The following LMOD3 variants were observed in gnomAD, a reference collection of about 807,000 sequenced individuals.
The protein encoded by LMOD3 is leiomodin-3.
LMOD3 carries 31 observed loss-of-function variants against 41.8 expected under a neutral mutation model. The observed-to-expected ratio is 0.74, with a 90% confidence interval of 0.56 to 1.00. The LOEUF is 1.00. Ranked by LOEUF, LMOD3 falls within the 50% of genes least tolerant of loss-of-function variation. The pLI, the probability that LMOD3 is intolerant of heterozygous loss-of-function variation, is 0.00. For missense variants in LMOD3, 755 were observed against 679.5 expected (o/e 1.11, Z -1.23); for synonymous variants, 292 against 241.9 (o/e 1.21, Z -1.92).
At position 69,119,325 on chromosome 3, in the gene LMOD3, G is replaced by A. The variant is rs778824655; in HGVS notation, c.1030C>T (p.Arg344Trp). 1 of 1,613,876 alleles carries A rather than the reference G, an allele frequency of 6.2e-7. No homozygotes were observed. Among genetic ancestry groups the A allele is most frequent in the Non-Finnish European group, 8.5e-7 (1 of 1,179,862 alleles). The change falls in exon 2 of 3, where the codon CGG becomes TGG. Residue 344 changes from arginine (R) to tryptophan (W), a missense_variant. Transcript: ENST00000420581. ...LQFNETLTEL[R>W]FHNQRHMLGH... ...AACATGTGCCTCTGATTGTGAAACCGAAGCTCAGTTAGCGTCTCATTAAAC... is the reference window on the plus strand; with the variant it reads ...AACATGTGCCTCTGATTGTGAAACCAAAGCTCAGTTAGCGTCTCATTAAAC...
chr3:69,115,356 AGT>A (rs1194326885), intron 2 of LMOD3, among the ~76,000 whole-genome samples: 1 of 151,880 alleles, frequency 6.6e-6, no homozygotes, highest in East Asian at 1.9e-4. Context: ...GTGTGTGGTG[AGT>A]GCGGTCCCAG....
At chr3:69,113,938 T>C (rs117479963) in intron 2 of LMOD3, among the ~76,000 whole-genome samples, 3 of 152,198 alleles carry the variant, frequency 2.0e-5, no homozygotes, top group Non-Finnish European at 4.4e-5. Context: ...TATTAACTCA[T>C]AGGGAAATGA....
chr3:69,116,468 T>G (rs1045088842), intron 2 of LMOD3, among the ~76,000 whole-genome samples: 3 of 152,244 alleles, frequency 2.0e-5, no homozygotes, highest in African/African-American at 7.2e-5. Context: ...GGCATGTTTT[T>G]CTTGAATTAT....
intron 2 of LMOD3, among the ~76,000 whole-genome samples, chr3:69,109,926 G>T (rs891799455): frequency 5.9e-5 from 9 of 152,102 alleles, no homozygotes; most frequent in Admixed American, 2.6e-4. Context: ...CATACAGCTA[G>T]GAAGTGGCAG....
At chr3:69,115,517 C>CAA (rs1052493140) in intron 2 of LMOD3, among the ~76,000 whole-genome samples, 2 of 147,218 alleles carry the variant, frequency 1.4e-5, no homozygotes, top group African/African-American at 5.0e-5. Flanking sequence ...CACACACACA[C>CAA]AAAACTTTTC....
At chr3:69,117,051 T>A (rs2092377795) in intron 2 of LMOD3, among the ~76,000 whole-genome samples, 1 of 152,238 alleles carries the variant, frequency 6.6e-6, no homozygotes, top group African/African-American at 2.4e-5. Context: ...AACTAGTTTC[T>A]CTCAAACAAT....
intron 2 of LMOD3, 55 bp from the exon 3 acceptor site, chr3:69,109,176 C>A (rs373635253): frequency 3.2e-6 from 5 of 1,548,360 alleles, no homozygotes; most frequent in Non-Finnish European, 4.4e-6. Flanking sequence ...AATTTAAGAG[C>A]TTTGCAGCAA....
Position 69,119,582 on chromosome 3 carries a change from A to G in LMOD3, c.773T>C (p.Leu258Pro). 1 of 1,613,816 alleles carries G rather than the reference A, an allele frequency of 6.2e-7. No individual in the cohort carries two copies. Among genetic ancestry groups the G allele is most frequent in the Non-Finnish European group, 8.5e-7 (1 of 1,179,890 alleles). Residue 258 changes from leucine to proline, a missense_variant, in exon 2 of 3, where the codon CTC becomes CCC. By Grantham distance (98) the Leu-to-Pro change is moderately conservative (BLOSUM62 -3). Transcript: ENST00000420581. ...VRKNDPDMKE[L>P]NLNNIENIPK... The stretch of plus-strand genomic sequence containing the variant: ...GATGTTTTCAATGTTGTTCAGGTTG[A>G]GTTCCTTCATGTCAGGATCATTTTT...
chr3:69,110,879 T>TA (rs2092347292), intron 2 of LMOD3, among the ~76,000 whole-genome samples: 1 of 138,094 alleles, frequency 7.2e-6, no homozygotes, highest in African/African-American at 2.8e-5. Context: ...TATATATATT[T>TA]AAAGCATCCC....
In LMOD3 at chr3:69,122,508, GA is replaced by G; in HGVS notation, c.-123del. ...GAGTGTCCCAAGTTAACACACCCTT[GA>G]GATATTTTTTTTTTTTTCCCAGGAA... On this transcript the variant is annotated 5_prime_UTR_variant, in exon 1 of 3. Coordinates refer to ENST00000420581, the MANE Select transcript of LMOD3 (RefSeq NM_198271.5). The G allele has an allele frequency of 4.0e-6, 3 of 747,562 alleles. No homozygotes were observed. Among genetic ancestry groups the G allele is most frequent in the Non-Finnish European group, 6.3e-6 (3 of 475,838 alleles). The allele number at this position is 747,562 out of a possible 1,614,324, so 46.3% of individuals were successfully genotyped here.
At chr3:69,116,814 C>T (rs1481431466) in intron 2 of LMOD3, among the ~76,000 whole-genome samples, 1 of 152,126 alleles carries the variant, frequency 6.6e-6, no homozygotes, top group Non-Finnish European at 1.5e-5. Flanking sequence ...GGAATTGACC[C>T]AGGAAAAATG....
chr3:69,114,851 A>G (rs1044250126), intron 2 of LMOD3, among the ~76,000 whole-genome samples: 1 of 151,862 alleles, frequency 6.6e-6, no homozygotes, highest in African/African-American at 2.4e-5. Flanking sequence ...TAATATTTCC[A>G]AATCTATAAG....
At chr3:69,114,978 G>A (rs2092364847) in intron 2 of LMOD3, among the ~76,000 whole-genome samples, 1 of 152,108 alleles carries the variant, frequency 6.6e-6, no homozygotes, top group African/African-American at 2.4e-5. Context: ...TGATCCTCCT[G>A]CCTCAGCCTC....
rs746128445 is a variant in LMOD3 at position 69,118,804 on chromosome 3, C to T, written c.1551G>A (p.Thr517=). ...EKTNLKDVIK[T]LKPVPRNRPP... ...GCCTGTTTCTCGGCACTGGCTTGAG[C>T]GTTTTGATGACATCTTTGAGGTTGG... The change falls in exon 2 of 3, where the codon ACG becomes ACA. Residue 517 remains threonine (T), a synonymous_variant. Transcript: ENST00000420581. 1.7e-5 allele frequency: 28 copies of T among 1,610,508 alleles called. No individual in the cohort carries two copies. The East Asian group carries it at 5.8e-4, about 33-fold the overall frequency.
rs145134135 is a variant in LMOD3, at chr3:69,110,120, T to G, written c.1657-999A>C. ...GAAATATAAGCCAGGCAAGGGGGCATGCACCTGTAATCCTGGCTACTCAGG... is the reference window on the plus strand; with the variant it reads ...GAAATATAAGCCAGGCAAGGGGGCAGGCACCTGTAATCCTGGCTACTCAGG... On this transcript the variant is annotated intron_variant, in intron 2 of 2. Transcript: ENST00000420581. Among the ~76,000 whole-genome samples the G allele has an allele frequency of 2.4e-4, 37 of 152,248 alleles. No homozygotes were observed. The East Asian group carries it at 6.4e-3, about 26-fold the overall frequency.
chr3:69,119,495 A>C lies in LMOD3; in HGVS notation c.860T>G (p.Phe287Cys), dbSNP rs1294421601. The C allele has an allele frequency of 1.9e-6, 3 of 1,613,896 alleles. No individual in the cohort carries two copies. The Admixed American group carries it at 5.0e-5, about 27-fold the overall frequency. Residue 287 changes from phenylalanine (F) to cysteine (C), a missense_variant, in exon 2 of 3, where the codon TTC becomes TGC. Phe to Cys is a radical substitution (Grantham distance 205, BLOSUM62 -2). Transcript: ENST00000420581. Reference sequence around the variant, plus strand: ...ATCTGCACCCACATTGGCTAAACTGAATGTTTTGATGTGCTTGTTTTTCTT... The same window carrying C: ...ATCTGCACCCACATTGGCTAAACTGCATGTTTTGATGTGCTTGTTTTTCTT... ...AMKKNKHIKT[F>C]SLANVGADEN...
intron 2 of LMOD3, among the ~76,000 whole-genome samples, chr3:69,112,900 T>G (rs1329465065): frequency 6.6e-6 from 1 of 152,208 alleles, no homozygotes; most frequent in Non-Finnish European, 1.5e-5. Flanking sequence ...TTTAGAAAAG[T>G]GTATAAAAAA....
At chr3:69,121,034 G>A (rs1005070003) in intron 1 of LMOD3, among the ~76,000 whole-genome samples, 11 of 152,108 alleles carry the variant, frequency 7.2e-5, no homozygotes, top group Non-Finnish European at 8.8e-5. Flanking sequence ...TTAACCACCT[G>A]AAGTCTTCAC....
chr3:69,119,808 T>C lies in LMOD3; in HGVS notation c.547A>G (p.Asn183Asp), dbSNP rs1458376035. 5 of 1,596,182 alleles carry C rather than the reference T, an allele frequency of 3.1e-6. No individual in the cohort carries two copies. The highest frequency in any genetic ancestry group is 4.3e-6 in the Non-Finnish European group (5 of 1,169,998). ...EEGKAKEQIR[N>D]CENNCQQVTD... ...ACCTGCTGGCAGTTGTTCTCACAAT[T>C]TCTAATTTGTTCCTTTGCTTTGCCT... The change falls in exon 2 of 3, where the codon AAT becomes GAT. Residue 183 changes from asparagine to aspartate, a missense_variant. Transcript: ENST00000420581.
Sources: gnomAD v4.1 joint callset for allele counts (sites outside exome capture counted in the v4.1 genomes callset) on GRCh38, gnomAD v4.1.1 for gene constraint, MANE v1.5 for transcripts, NCBI Gene and HGNC (gene_info 2026-07-23, HGNC 2026-07-21) for gene names.